The following UBE2K variants were observed in gnomAD, a reference collection of about 807,000 sequenced individuals.
The protein encoded by UBE2K is ubiquitin conjugating enzyme E2 K.
A neutral mutation model predicts 30.0 loss-of-function variants in UBE2K; 6 were observed. The observed-to-expected ratio is 0.20, with a 90% CI of 0.11 to 0.39. The LOEUF (loss-of-function observed/expected upper bound fraction) is 0.39, where lower values mean the gene tolerates loss of function less well. UBE2K is among the 10% of genes least tolerant of loss of function. The pLI is 1.00. For missense variants in UBE2K, 61 were observed against 241.6 expected, an observed-to-expected ratio of 0.25 and a Z score of 4.96; for synonymous variants, 86 against 83.7, an observed-to-expected ratio of 1.03 and a Z score of -0.15.
intron 1 of UBE2K, among the ~76,000 whole-genome samples, chr4:39,706,907 T>TTTTTTG (rs1257434280): frequency 1.3e-5 from 2 of 151,950 alleles, no homozygotes; most frequent in African/African-American, 4.8e-5. Context: ...AGGGAGGTTC[T>TTTTTTG]TTTTTGTTTT....
chr4:39,764,901 T>TA (rs1403475217), intron 4 of UBE2K, among the ~76,000 whole-genome samples: 1 of 142,708 alleles, frequency 7.0e-6, no homozygotes, highest in Non-Finnish European at 1.5e-5. Flanking sequence ...TTTTTTTTTT[T>TA]TCGAGACAAG....
In UBE2K at chr4:39,724,392, A is replaced by G. The variant is rs111368875; in HGVS notation, c.64-13028A>G. 5.3e-3 allele frequency among the ~76,000 whole-genome samples: 808 copies of G among 151,980 alleles called. 10 individuals carry two copies. Among genetic ancestry groups the G allele is most frequent in the African/African-American group, 0.018 (748 of 41,482 alleles). ...AGTGCTGGGATTACAGGTATTAGCC[A>G]CTGCACCCAGCCCAAACTGTATTTT... On this transcript the variant is annotated intron_variant, in intron 1 of 6. Transcript: ENST00000261427.
intron 1 of UBE2K, among the ~76,000 whole-genome samples, chr4:39,734,046 T>G (rs1720219471): frequency 6.6e-6 from 1 of 152,132 alleles, no homozygotes; most frequent in Non-Finnish European, 1.5e-5. Context: ...TGGCTTAACT[T>G]TGTTTTCTTT....
chr4:39,773,335 G>T (rs1231986489), intron 4 of UBE2K, among the ~76,000 whole-genome samples: 1 of 151,928 alleles, frequency 6.6e-6, no homozygotes, highest in Non-Finnish European at 1.5e-5. Context: ...GGGCATGGTG[G>T]CATGTGCCTG....
At chr4:39,713,093 A>C (rs1218429621) in intron 1 of UBE2K, among the ~76,000 whole-genome samples, 1 of 147,812 alleles carries the variant, frequency 6.8e-6, no homozygotes, top group Non-Finnish European at 1.5e-5. Flanking sequence ...CTAACTCCTG[A>C]CCTCAGGTGA....
At chr4:39,743,046 GA>G (rs34032249) in intron 2 of UBE2K, among the ~76,000 whole-genome samples, 69 of 134,200 alleles carry the variant, frequency 5.1e-4, no homozygotes, top group South Asian at 9.2e-4. Context: ...CCTGTCTCAG[GA>G]AAAAAAAAAA....
intron 1 of UBE2K, among the ~76,000 whole-genome samples, chr4:39,732,898 G>C (rs1720150377): frequency 6.6e-6 from 1 of 151,686 alleles, no homozygotes; most frequent in Non-Finnish European, 1.5e-5. Context: ...CTGGTCTCAA[G>C]TTTCTTGCCT....
chr4:39,704,129 A>G (rs1055261581), intron 1 of UBE2K, among the ~76,000 whole-genome samples: 1 of 151,452 alleles, frequency 6.6e-6, no homozygotes, highest in Admixed American at 6.6e-5. Context: ...GGTGGCTCAC[A>G]TCGGTAATTG....
intron 1 of UBE2K, among the ~76,000 whole-genome samples, chr4:39,711,387 CT>C (rs775894733): frequency 1.3e-5 from 2 of 151,626 alleles, no homozygotes; most frequent in Non-Finnish European, 2.9e-5. Context: ...TGGTCTCGAT[CT>C]CCTGACTTCA....
chr4:39,769,002 A>G (rs1415161880), intron 4 of UBE2K, among the ~76,000 whole-genome samples: 1 of 151,862 alleles, frequency 6.6e-6, no homozygotes, highest in African/African-American at 2.4e-5. Flanking sequence ...ATTTTTGTGT[A>G]TTTAGTAGAG....
rs1041496771 is a variant in UBE2K, at chr4:39,753,348, T to TG, written c.217-2302dup. On this transcript the variant is annotated intron_variant, in intron 3 of 6. Transcript: ENST00000261427. Reference sequence around the variant, plus strand: ...TGAGCCACAGCAGTGAGACCTTCTCTGGGGGGGAAAAAAGGGAGAAATGTT... The same window carrying TG: ...TGAGCCACAGCAGTGAGACCTTCTCTGGGGGGGGAAAAAAGGGAGAAATGTT... Among the ~76,000 whole-genome samples, 7 of 148,694 alleles carry TG rather than the reference T, an allele frequency of 4.7e-5. No homozygotes were observed. The South Asian group carries it at 6.5e-4, about 14-fold the overall frequency.
At chr4:39,711,219 GTGGTGTGATCTCGGCTCACTGCAA>G (rs1465417612) in intron 1 of UBE2K, among the ~76,000 whole-genome samples, 1 of 143,672 alleles carries the variant, frequency 7.0e-6, no homozygotes, top group African/African-American at 2.7e-5. Flanking sequence ...CTGGAGTGCA[GTGGTGTGATCTCGGCTCACTGCAA>G]GCTCTGCCTC....
chr4:39,721,416 C>G (rs1299800565), intron 1 of UBE2K, among the ~76,000 whole-genome samples: 1 of 152,130 alleles, frequency 6.6e-6, no homozygotes, highest in African/African-American at 2.4e-5. Flanking sequence ...TGCAGTGGCT[C>G]AATCACAGCT....
intron 3 of UBE2K, among the ~76,000 whole-genome samples, chr4:39,753,731 AG>A (rs1721388572): frequency 6.6e-6 from 1 of 152,230 alleles, no homozygotes; most frequent in Non-Finnish European, 1.5e-5. Context: ...GGCCCAGAAC[AG>A]GGGAAAAGTT....
At chr4:39,720,893 A>G (rs566329262) in intron 1 of UBE2K, among the ~76,000 whole-genome samples, 3 of 152,120 alleles carry the variant, frequency 2.0e-5, no homozygotes, top group African/African-American at 7.2e-5. Context: ...ACAGGTAGAC[A>G]CCACTGTGCC....
At chr4:39,753,445 A>G (rs1281916145) in intron 3 of UBE2K, among the ~76,000 whole-genome samples, 2 of 152,172 alleles carry the variant, frequency 1.3e-5, no homozygotes, top group Admixed American at 1.3e-4. Flanking sequence ...TTATAATAAC[A>G]TTTTTGCCGT....
At chr4:39,754,685 T>C (rs1208278653) in intron 3 of UBE2K, among the ~76,000 whole-genome samples, 2 of 152,160 alleles carry the variant, frequency 1.3e-5, no homozygotes, top group Non-Finnish European at 2.9e-5. Context: ...ATTTTTTTAT[T>C]TGTAGAGACA....
chr4:39,768,505 G>C (rs1578500459), intron 4 of UBE2K, among the ~76,000 whole-genome samples: 1 of 150,548 alleles, frequency 6.6e-6, no homozygotes, highest in African/African-American at 2.4e-5. Flanking sequence ...ATGAACATTT[G>C]AGGACTGAGT....
intron 2 of UBE2K, among the ~76,000 whole-genome samples, chr4:39,745,364 T>C (rs941804607): frequency 6.6e-6 from 1 of 152,178 alleles, no homozygotes; most frequent in Non-Finnish European, 1.5e-5. Context: ...CTCCTTGCCT[T>C]CTTTTTTTTT....
Sources: allele counts gnomAD v4.1 joint callset (sites outside exome capture counted in the v4.1 genomes callset), GRCh38; gene constraint gnomAD v4.1.1; transcripts MANE v1.5; gene names NCBI Gene and HGNC (gene_info 2026-07-23, HGNC 2026-07-21).